Variants in AGO1 observed in about 807,000 individuals in gnomAD.
AGO1 encodes the protein argonaute RISC component 1.
AGO1 carries 11 observed loss-of-function variants against 109.2 expected under a neutral mutation model. The ratio of observed to expected loss-of-function variants is 0.10; its 90% CI spans 0.06 to 0.17. The LOEUF (loss-of-function observed/expected upper bound fraction) is 0.17. Ranked by LOEUF, AGO1 falls within the 10% of genes least tolerant of loss-of-function variation. The pLI is 1.00. For missense variants in AGO1, 574 were observed against 1,140.3 expected (o/e 0.50, Z 7.15); for synonymous variants, 422 against 418.6 (o/e 1.01, Z -0.10).
Position 35,927,921 on chromosome 1 carries a change from G to A in AGO1, c.*8314G>A, listed in dbSNP as rs183246331. ...TACTTTCTACCTTGTAGAAACTGAT[G>A]GTCTAGGAGAAGAGATTTGAACTCA... On this transcript the variant is annotated 3_prime_UTR_variant, in exon 19 of 19. Coordinates refer to ENST00000373204, the MANE Select transcript of AGO1 (RefSeq NM_012199.5). 6.6e-6 allele frequency: 1 copy of A among 152,280 alleles called. No individual in the cohort carries two copies. The highest frequency in any genetic ancestry group is 1.5e-5 in the Non-Finnish European group (1 of 68,010). 9.4% of individuals were successfully genotyped at this position (152,280 alleles called of 1,614,324 possible).
intron 11 of AGO1, among the ~76,000 whole-genome samples, chr1:35,903,686 T>C (rs1304155299): frequency 6.6e-6 from 1 of 150,972 alleles, no homozygotes; most frequent in African/African-American, 2.4e-5. Flanking sequence ...AGTTCTAGGC[T>C]GGGCATGGTG....
In AGO1 at chr1:35,907,375, G is replaced by C. The variant is rs146602857; in HGVS notation, c.1582+256G>C. ...CTGGTCCTCATGCCAGGCTATGCTGGGCCAGGTACAGAGACGGGTTGGTCT... is the reference window on the plus strand; with the variant it reads ...CTGGTCCTCATGCCAGGCTATGCTGCGCCAGGTACAGAGACGGGTTGGTCT... On this transcript the variant is annotated intron_variant, in intron 12 of 18. Transcript: ENST00000373204. 1.1e-4 allele frequency among the ~76,000 whole-genome samples: 17 copies of C among 152,160 alleles called. No homozygotes were observed. In the East Asian group the frequency reaches 3.3e-3, roughly 29 times the overall value.
rs1645075095 is a variant in AGO1 at position 35,883,942 on chromosome 1, C to T, written c.25+496C>T. Among the ~76,000 whole-genome samples, 1 of 152,172 alleles carries T rather than the reference C, an allele frequency of 6.6e-6. No individual in the cohort carries two copies. The highest frequency in any genetic ancestry group is 1.5e-5 in the Non-Finnish European group (1 of 68,010). ...TGACGCGAGGGCGAGGGTCAGGGGGCGGTGGGTGGGGACCCAGTCCCGGGA... is the reference window on the plus strand; with the variant it reads ...TGACGCGAGGGCGAGGGTCAGGGGGTGGTGGGTGGGGACCCAGTCCCGGGA... On this transcript the variant is annotated intron_variant, in intron 1 of 18. Transcript: ENST00000373204. The surrounding 1 kb of genome is among the most constrained non-coding windows in gnomAD (Gnocchi z 5.4).
chr1:35,878,422 A>C (rs1482500758), upstream of AGO1, among the ~76,000 whole-genome samples: 1 of 152,182 alleles, frequency 6.6e-6, no homozygotes, highest in Non-Finnish European at 1.5e-5. Context: ...AAGAAATTCT[A>C]AAATTACATA....
rs1256973986 is a variant in AGO1, at chr1:35,883,324, G to T, written c.-98G>T. On this transcript the variant is annotated 5_prime_UTR_variant, in exon 1 of 19. Transcript: ENST00000373204. The surrounding 1 kb of genome is among the most constrained non-coding windows in gnomAD (Gnocchi z 5.4). ...CGGGCTTGGTAGGGGAGCCGAGCCC[G>T]GCCCGGGATCCCGAGCAGCGAGAGT... 6.6e-7 allele frequency: 1 copy of T among 1,514,568 alleles called. No homozygotes were observed. The highest frequency in any genetic ancestry group is 8.8e-7 in the Non-Finnish European group (1 of 1,138,402). The allele number at this position is 1,514,568 out of a possible 1,614,324, so 93.8% of individuals were successfully genotyped here. A position where few individuals can be genotyped will look rare whatever the true frequency, so the allele number is the denominator to read the frequency against.
chr1:35,881,683 A>G (rs1645038745), upstream of AGO1, among the ~76,000 whole-genome samples: 1 of 152,238 alleles, frequency 6.6e-6, no homozygotes, highest in South Asian at 2.1e-4. Context: ...GAGAACCTCT[A>G]GAAGCAAGGC....
At chr1:35,890,518 A>G (rs1302668470) in intron 2 of AGO1, among the ~76,000 whole-genome samples, 1 of 152,206 alleles carries the variant, frequency 6.6e-6, no homozygotes, top group Non-Finnish European at 1.5e-5. Context: ...ATTCTTTTGC[A>G]TAGGTTGAGT....
chr1:35,896,148 C>T (rs939806354), intron 8 of AGO1, among the ~76,000 whole-genome samples: 2 of 152,070 alleles, frequency 1.3e-5, no homozygotes, highest in Admixed American at 1.3e-4. Context: ...TACAGGCATG[C>T]GCCACCACAC....
chr1:35,889,706 G>A (rs1645183092), intron 2 of AGO1, among the ~76,000 whole-genome samples: 1 of 151,068 alleles, frequency 6.6e-6, no homozygotes, highest in African/African-American at 2.4e-5. Context: ...TCCCTCTGTC[G>A]CCCAAGCTGG....
rs1208181934 is a variant in AGO1 at position 35,902,032 on chromosome 1, C to A, written c.1225C>A (p.Arg409=). Residue 409 remains arginine, a synonymous_variant, in exon 10 of 19, where the codon CGA becomes AGA. Transcript: ENST00000373204. ...GGATGACATGACGGAGGTGACAGGG[C>A]GAGTGCTGCCGGCGCCCATCTTGCA... is the stretch of plus-strand genomic sequence containing the variant. The part of the protein sequence containing the change: ...VKDDMTEVTG[R]VLPAPILQYG... 1.2e-6 allele frequency: 2 copies of A among 1,611,016 alleles called. No individual in the cohort carries two copies. The highest frequency in any genetic ancestry group is 1.7e-6 in the Non-Finnish European group (2 of 1,178,602).
intron 1 of AGO1, among the ~76,000 whole-genome samples, chr1:35,874,391 G>T (rs757932897): frequency 6.6e-6 from 1 of 152,114 alleles, no homozygotes; most frequent in Non-Finnish European, 1.5e-5. Flanking sequence ...TGCCCAGGCC[G>T]GTCTCAAACT....
intron 8 of AGO1, among the ~76,000 whole-genome samples, chr1:35,898,402 G>A (rs1402684163): frequency 1.3e-5 from 2 of 151,930 alleles, no homozygotes; most frequent in East Asian, 1.9e-4. Flanking sequence ...GAATGCAGGC[G>A]CCGACCACCA....
chr1:35,903,228 G>C (rs570666415), intron 11 of AGO1, among the ~76,000 whole-genome samples: 12 of 151,400 alleles, frequency 7.9e-5, no homozygotes, highest in Admixed American at 6.6e-5. Context: ...GGATGATCTC[G>C]ATTTCCTGAC....
intron 1 of AGO1, among the ~76,000 whole-genome samples, chr1:35,877,758 A>G (rs1645004063): frequency 6.7e-6 from 1 of 149,918 alleles, no homozygotes; most frequent in African/African-American, 2.5e-5. Flanking sequence ...CAGTGGCATG[A>G]TCTCGGCTCA....
chr1:35,900,426 ATCCT>A (rs1180266332), intron 8 of AGO1, among the ~76,000 whole-genome samples: 1 of 152,158 alleles, frequency 6.6e-6, no homozygotes, highest in Non-Finnish European at 1.5e-5. Context: ...TGTTACTATT[ATCCT>A]TCCTTAAAAT....
intron 12 of AGO1, 150 bp downstream of exon 12, chr1:35,907,269 G>A (rs1645539870): frequency 1.5e-6 from 1 of 682,744 alleles, no homozygotes; most frequent in Non-Finnish European, 2.3e-6. Flanking sequence ...GAAATAGCAT[G>A]CCTGAGCCAT....
At position 35,915,680 on chromosome 1, in the gene AGO1, A is replaced by G. The variant is rs142929994; in HGVS notation, c.2028+138A>G. Reference sequence around the variant, plus strand: ...GCTAAATGGAGTAGACTTGGGGGCAAGGATCGCAACTGAGGGATGGAGTGT... The same window carrying G: ...GCTAAATGGAGTAGACTTGGGGGCAGGGATCGCAACTGAGGGATGGAGTGT... On this transcript the variant is annotated intron_variant, in intron 15 of 18. Transcript: ENST00000373204. The G allele has an allele frequency of 3.9e-3, 3,115 of 802,646 alleles. 15 individuals are homozygous for G. The highest frequency in any genetic ancestry group is 3.9e-3 in the Non-Finnish European group (1,969 of 510,860). 49.7% of individuals were successfully genotyped at this position (802,646 alleles called of 1,614,324 possible). A position where few individuals can be genotyped will look rare whatever the true frequency, so the allele number is the denominator to read the frequency against.
rs1645849999 is a variant in AGO1, at chr1:35,922,462, G to C, written c.*2855G>C. 1 of 152,292 alleles carries C rather than the reference G, an allele frequency of 6.6e-6. No homozygotes were observed. The highest frequency in any genetic ancestry group is 1.5e-5 in the Non-Finnish European group (1 of 68,096). 9.4% of individuals were successfully genotyped at this position (152,292 alleles called of 1,614,324 possible). On this transcript the variant is annotated 3_prime_UTR_variant, in exon 19 of 19. Transcript: ENST00000373204. ...TTACCCAAGCTTCAAGGAAGTGCTTGGGGGACCCCCAGCCTCATCCTCTTA... is the reference window on the plus strand; with the variant it reads ...TTACCCAAGCTTCAAGGAAGTGCTTCGGGGACCCCCAGCCTCATCCTCTTA...
At position 35,921,352 on chromosome 1, in the gene AGO1, G is replaced by A. The variant is rs1283953973; in HGVS notation, c.*1745G>A. On this transcript the variant is annotated 3_prime_UTR_variant, in exon 19 of 19. Transcript: ENST00000373204. ...GTCTTGCAGGACTGGAGAAGGTGGT[G>A]GTTCTAGCTTGGTCTCTGTTGGCCT... 6.7e-6 allele frequency: 1 copy of A among 148,806 alleles called. No homozygotes were observed. The highest frequency in any genetic ancestry group is 1.5e-5 in the Non-Finnish European group (1 of 67,692). 9.2% of individuals were successfully genotyped at this position (148,806 alleles called of 1,614,324 possible). A position where few individuals can be genotyped will look rare whatever the true frequency, so the allele number is the denominator to read the frequency against.
Sources: allele counts gnomAD v4.1 joint callset (sites outside exome capture counted in the v4.1 genomes callset), GRCh38; gene constraint gnomAD v4.1.1; non-coding constraint Gnocchi (gnomAD v3.1); transcripts MANE v1.5; gene names NCBI Gene and HGNC (gene_info 2026-07-23, HGNC 2026-07-21).